DPH6: variants seen among roughly 807,000 people sequenced by gnomAD.
DPH6 encodes diphthine--ammonia ligase.
DPH6 carries 33 observed loss-of-function variants against 38.2 expected under a neutral mutation model. That is an observed-to-expected ratio of 0.86 (90% CI 0.65 to 1.15). The LOEUF is 1.15. Among genes scored for constraint, DPH6 ranks in the 50% most tolerant of loss-of-function variants. The pLI is 0.00. For synonymous variants in DPH6, 108 were observed against 103.0 expected, an observed-to-expected ratio of 1.05 and a Z score of -0.30; for missense variants, 325 against 320.0, an observed-to-expected ratio of 1.02 and a Z score of -0.12.
At chr15:35,372,428 G>C (rs2052725522) in intron 8 of DPH6, 1 of 331,010 alleles carries the variant, frequency 3.0e-6, no homozygotes, top group South Asian at 1.3e-4. Context: ...AACATAGAAT[G>C]GCTGGAATGC....
intron 5 of DPH6, among the ~76,000 whole-genome samples, chr15:35,434,609 CAT>C (rs1228697082): frequency 2.0e-5 from 3 of 152,022 alleles, no homozygotes; most frequent in Non-Finnish European, 4.4e-5. Flanking sequence ...CGCACACACA[CAT>C]AGAAAAGTGA....
At chr15:35,172,599 T>C in the DPH6 span, among the ~76,000 whole-genome samples, 2 of 152,222 alleles carry the variant, frequency 1.3e-5, no homozygotes, top group Non-Finnish European at 2.9e-5. Flanking sequence ...TGTGGCGCCA[T>C]TCTTTTCATT....
chr15:35,385,426 AC>A (rs2052938079), intron 6 of DPH6, among the ~76,000 whole-genome samples: 1 of 152,218 alleles, frequency 6.6e-6, no homozygotes. Flanking sequence ...AGCATGGAGT[AC>A]TATGTAGCCA....
chr15:35,152,307 T>C, the DPH6 span, among the ~76,000 whole-genome samples: 1,786 of 152,216 alleles, frequency 0.012, 28 homozygotes, highest in African/African-American at 0.035. Context: ...TGCCTAGTAT[T>C]AGTAAGTTAG....
chr15:35,304,102 G>A (rs184378895), intron 3 of DPH6, among the ~76,000 whole-genome samples: 3 of 152,000 alleles, frequency 2.0e-5, no homozygotes, highest in East Asian at 3.9e-4. Context: ...ACACTGATGT[G>A]GTTAATTTGA....
chr15:35,421,298 G>A (rs1024085946), intron 5 of DPH6, among the ~76,000 whole-genome samples: 2 of 152,080 alleles, frequency 1.3e-5, no homozygotes, highest in African/African-American at 4.8e-5. Context: ...AATTTTACAA[G>A]GCCAGAAATA....
At chr15:35,185,972 G>A in the DPH6 span, among the ~76,000 whole-genome samples, 1 of 151,978 alleles carries the variant, frequency 6.6e-6, no homozygotes, top group Non-Finnish European at 1.5e-5. Context: ...CTGACCTCGT[G>A]ATCCGCTTGC....
chr15:35,516,801 C>T (rs956474895), intron 3 of DPH6, among the ~76,000 whole-genome samples: 17 of 152,106 alleles, frequency 1.1e-4, no homozygotes, highest in Admixed American at 1.1e-3. Context: ...GAGGAAATAG[C>T]ATGGAGCTGA....
chr15:35,417,194 G>C (rs977824385), intron 5 of DPH6, among the ~76,000 whole-genome samples: 31 of 152,054 alleles, frequency 2.0e-4, no homozygotes, highest in African/African-American at 7.5e-4. Flanking sequence ...TGTATGTACA[G>C]CGCTTATAAT....
chr15:35,376,329 AACTC>A (rs143968609), intron 7 of DPH6, among the ~76,000 whole-genome samples: 194 of 152,268 alleles, frequency 1.3e-3, no homozygotes, highest in African/African-American at 4.5e-3. Context: ...AACTATTAGA[AACTC>A]ACAGTGATTT....
the DPH6 span, among the ~76,000 whole-genome samples, chr15:35,202,700 A>G: frequency 6.6e-5 from 10 of 151,846 alleles, no homozygotes; most frequent in African/African-American, 1.9e-4. Flanking sequence ...TCTTTTGTAC[A>G]GCATCGTTCT....
the DPH6 span, among the ~76,000 whole-genome samples, chr15:35,202,005 T>C: frequency 6.6e-6 from 1 of 151,824 alleles, no homozygotes; most frequent in Non-Finnish European, 1.5e-5. Context: ...TAAGCCCTGA[T>C]TATATATTTC....
At chr15:35,449,782 A>G (rs963581648) in intron 5 of DPH6, among the ~76,000 whole-genome samples, 1 of 152,168 alleles carries the variant, frequency 6.6e-6, no homozygotes, top group Non-Finnish European at 1.5e-5. Context: ...CAACACCTCA[A>G]CTTCAGCAAG....
intron 3 of DPH6, among the ~76,000 whole-genome samples, chr15:35,265,352 T>A (rs1056555192): frequency 6.6e-6 from 1 of 152,194 alleles, no homozygotes; most frequent in Admixed American, 6.5e-5. Context: ...TAAATTACAT[T>A]TTTCAGAATG....
chr15:35,151,496 C>A, the DPH6 span, among the ~76,000 whole-genome samples: 5 of 152,218 alleles, frequency 3.3e-5, no homozygotes, highest in African/African-American at 1.2e-4. Context: ...ACAAATCAAT[C>A]CCAGGCTGGG....
chr15:35,298,453 A>T (rs920660208), intron 3 of DPH6: 2 of 761,000 alleles, frequency 2.6e-6, no homozygotes, highest in Non-Finnish European at 4.9e-6. Context: ...CAACTTTGAG[A>T]TATTTTTCAC....
the DPH6 span, among the ~76,000 whole-genome samples, chr15:35,197,904 GT>G: frequency 6.6e-6 from 1 of 152,116 alleles, no homozygotes; most frequent in Non-Finnish European, 1.5e-5. Context: ...CAGCCAGTTT[GT>G]TTTTATCTCA....
At chr15:35,245,535 C>T (rs1033306858) in intron 3 of DPH6, among the ~76,000 whole-genome samples, 2 of 151,970 alleles carry the variant, frequency 1.3e-5, no homozygotes, top group Non-Finnish European at 2.9e-5. Context: ...ACCACGCTGG[C>T]GGGTCATTGT....
chr15:35,223,193 G>T (rs1023769100), intron 3 of DPH6, among the ~76,000 whole-genome samples: 1 of 152,120 alleles, frequency 6.6e-6, no homozygotes, highest in Non-Finnish European at 1.5e-5. Context: ...TCTTGCAAAG[G>T]CCTTCTTGCT....
Sources: gnomAD v4.1 joint callset for allele counts (sites outside exome capture counted in the v4.1 genomes callset) on GRCh38, gnomAD v4.1.1 for gene constraint, MANE v1.5 for transcripts, NCBI Gene and HGNC (gene_info 2026-07-23, HGNC 2026-07-21) for gene names.